Variants in RGS6 observed in about 807,000 individuals in gnomAD.
RGS6 encodes regulator of G-protein signaling 6.
In RGS6, 30 loss-of-function variants were observed where a neutral mutation model predicts 78.5. The ratio of observed to expected loss-of-function variants is 0.38; its 90% confidence interval spans 0.29 to 0.52. The LOEUF (loss-of-function observed/expected upper bound fraction) is 0.52, where lower values mean the gene tolerates loss of function less well. RGS6 is among the 20% of genes least tolerant of loss of function. The probability of loss-of-function intolerance (pLI) is 0.85; values close to 1 mark genes in which losing one functional copy is unlikely to be tolerated. For synonymous variants in RGS6, 206 were observed against 206.0 expected, an observed-to-expected ratio of 1.00 and a Z score of 0.00; for missense variants, 495 against 609.7, an observed-to-expected ratio of 0.81 and a Z score of 1.98.
intron 2 of RGS6, among the ~76,000 whole-genome samples, chr14:72,113,173 T>C (rs2095811208): frequency 6.6e-6 from 1 of 152,218 alleles, no homozygotes. Flanking sequence ...CCCCGACATG[T>C]GGATGACTAT....
rs184195078 is a variant in RGS6, at chr14:72,214,019, T to C, written c.85-138076T>C. On this transcript the variant is annotated intron_variant, in intron 2 of 17. Coordinates refer to ENST00000553525, the MANE Select transcript of RGS6 (RefSeq NM_001204424.2). ...GTGAGGCCAATTCTGGGTGGGATATTGGCTGACCTGGCACTAATGCTGGAG... is the reference window on the plus strand; with the variant it reads ...GTGAGGCCAATTCTGGGTGGGATATCGGCTGACCTGGCACTAATGCTGGAG... Among the ~76,000 whole-genome samples the C allele has an allele frequency of 1.4e-4, 22 of 152,290 alleles. No individual in the cohort carries two copies. In the East Asian group the frequency reaches 4.1e-3, roughly 28 times the overall value.
intron 2 of RGS6, among the ~76,000 whole-genome samples, chr14:72,320,687 GTT>G (rs1215008779): frequency 6.6e-6 from 1 of 151,538 alleles, no homozygotes; most frequent in African/African-American, 2.4e-5. Context: ...CACTGAGTCT[GTT>G]TTGCTTTTAG....
intron 2 of RGS6, among the ~76,000 whole-genome samples, chr14:72,273,394 C>A (rs929925644): frequency 1.3e-5 from 2 of 151,730 alleles, no homozygotes; most frequent in Admixed American, 6.6e-5. Flanking sequence ...TTTTTTCCCT[C>A]TTTAATCACA....
At chr14:72,558,848 C>T (rs887406232) in intron 17 of RGS6, among the ~76,000 whole-genome samples, 2 of 152,206 alleles carry the variant, frequency 1.3e-5, no homozygotes, top group African/African-American at 4.8e-5. Flanking sequence ...TTCTGCAGCT[C>T]AGTTCTTAAT....
At chr14:72,505,328 G>A (rs2096785605) in intron 13 of RGS6, among the ~76,000 whole-genome samples, 1 of 152,166 alleles carries the variant, frequency 6.6e-6, no homozygotes, top group Non-Finnish European at 1.5e-5. Context: ...TCAATATCTG[G>A]TAAGGATCTG....
chr14:71,998,292 G>C (rs1380218766), intron 2 of RGS6, among the ~76,000 whole-genome samples: 1 of 152,172 alleles, frequency 6.6e-6, no homozygotes, highest in African/African-American at 2.4e-5. Flanking sequence ...GGATGACTTT[G>C]ACTAGAATGG....
chr14:72,403,049 C>T (rs1203861850), intron 3 of RGS6, among the ~76,000 whole-genome samples: 1 of 151,868 alleles, frequency 6.6e-6, no homozygotes, highest in East Asian at 1.9e-4. Flanking sequence ...CTTTGGCCTC[C>T]CAAAGTGCTA....
chr14:71,943,198 A>C (rs990815639), intron 1 of RGS6, among the ~76,000 whole-genome samples: 3 of 152,194 alleles, frequency 2.0e-5, no homozygotes, highest in African/African-American at 7.2e-5. Flanking sequence ...ATTTGTTCTT[A>C]AAGGAGCACA....
At chr14:72,540,197 G>T in intron 17 of RGS6, 103 bp downstream of exon 17, 1 of 1,506,146 alleles carries the variant, frequency 6.6e-7, no homozygotes, top group Non-Finnish European at 9.0e-7. Context: ...TTCCTTTGGG[G>T]TGGGAGGGAG....
intron 2 of RGS6, among the ~76,000 whole-genome samples, chr14:72,067,602 TAA>T (rs2094212257): frequency 6.6e-6 from 1 of 152,198 alleles, no homozygotes; most frequent in African/African-American, 2.4e-5. Context: ...CACACTGAGA[TAA>T]AGACTATGAA....
At chr14:72,559,487 G>A (rs1008695806) in intron 17 of RGS6, among the ~76,000 whole-genome samples, 4 of 152,210 alleles carry the variant, frequency 2.6e-5, no homozygotes, top group East Asian at 1.9e-4. Flanking sequence ...ACTGGGTAGC[G>A]AGTAGATTGC....
At chr14:72,017,741 G>T (rs2087366401) in intron 2 of RGS6, among the ~76,000 whole-genome samples, 1 of 152,004 alleles carries the variant, frequency 6.6e-6, no homozygotes, top group East Asian at 1.9e-4. Context: ...TGGTTGATGT[G>T]TGCCTTTTAT....
Position 72,459,651 on chromosome 14 carries a change from C to T in RGS6, c.362C>T (p.Ser121Leu), listed in dbSNP as rs2095725970. 1.2e-6 allele frequency: 2 copies of T among 1,614,098 alleles called. No individual in the cohort carries two copies. Among genetic ancestry groups the T allele is most frequent in the South Asian group, 1.1e-5 (1 of 91,068 alleles). ...YRFQAPYFWP[S>L]NCWEPENTDY... ...TTGCAGGCTCCGTACTTCTGGCCTT[C>T]GAACTGCTGGGAACCTGAAAACACT... Residue 121 changes from serine (S) to leucine (L), a missense_variant, in exon 6 of 18, where the codon TCG becomes TTG. Coordinates refer to ENST00000553525, the MANE Select transcript of RGS6 (RefSeq NM_001204424.2).
At chr14:72,547,510 C>A (rs564228210) in intron 17 of RGS6, 2 of 634,098 alleles carry the variant, frequency 3.2e-6, no homozygotes, top group Non-Finnish European at 5.6e-6. Context: ...TGGAAGGAGG[C>A]CAGGATACCT....
intron 17 of RGS6, among the ~76,000 whole-genome samples, chr14:72,561,686 G>C (rs2153555385): frequency 6.6e-6 from 1 of 152,312 alleles, no homozygotes; most frequent in African/African-American, 2.4e-5. Context: ...CACTGTTTTA[G>C]TTTTTGAGAA....
intron 2 of RGS6, among the ~76,000 whole-genome samples, chr14:71,977,112 TG>T (rs1260884145): frequency 3.4e-5 from 4 of 118,022 alleles, no homozygotes; most frequent in Admixed American, 2.6e-4. Context: ...TGGGGTGGTT[TG>T]TTTTTTTCTT....
chr14:72,298,504 A>G (rs1056109771), intron 2 of RGS6, among the ~76,000 whole-genome samples: 7 of 132,842 alleles, frequency 5.3e-5, no homozygotes, highest in African/African-American at 1.2e-4. Context: ...CTGGAGTGCA[A>G]TGGTGCCATC....
chr14:71,963,968 A>G lies in RGS6; in HGVS notation c.-20-804A>G, dbSNP rs192657318. On this transcript the variant is annotated intron_variant, in intron 1 of 17. Coordinates refer to ENST00000553525, the MANE Select transcript of RGS6 (RefSeq NM_001204424.2). ...TTCAGCAGTGACTGTGTCATTTTAC[A>G]TTCCTACCAGCAATGTTTGAGGATT... 2.6e-5 allele frequency among the ~76,000 whole-genome samples: 4 copies of G among 151,470 alleles called. No homozygotes were observed. In the East Asian group the frequency reaches 7.8e-4, roughly 29 times the overall value.
intron 2 of RGS6, among the ~76,000 whole-genome samples, chr14:71,975,986 A>G (rs2094103236): frequency 6.6e-6 from 1 of 152,098 alleles, no homozygotes; most frequent in African/African-American, 2.4e-5. Flanking sequence ...AATATATTAG[A>G]TAATCTGTGG....
Sources: gnomAD v4.1 joint callset for allele counts (sites outside exome capture counted in the v4.1 genomes callset) on GRCh38, gnomAD v4.1.1 for gene constraint, MANE v1.5 for transcripts, NCBI Gene and HGNC (gene_info 2026-07-23, HGNC 2026-07-21) for gene names.